N4BP2L1: variants seen among roughly 807,000 people sequenced by gnomAD.
The protein encoded by N4BP2L1 is NEDD4-binding protein 2-like 1.
In N4BP2L1, 12 loss-of-function variants were observed where a neutral mutation model predicts 21.2. The ratio of observed to expected loss-of-function variants is 0.57; its 90% CI spans 0.36 to 0.92. The LOEUF (loss-of-function observed/expected upper bound fraction) is 0.92, where lower values mean the gene tolerates loss of function less well. Among genes scored for constraint, N4BP2L1 ranks in the 40% least tolerant of loss-of-function variants. The pLI is 0.01. For missense variants in N4BP2L1, 259 were observed against 310.6 expected (o/e 0.83, Z 1.25); for synonymous variants, 104 against 112.8 (o/e 0.92, Z 0.49).
chr13:32,408,347 G>T (rs947959933), intron 1 of N4BP2L1, among the ~76,000 whole-genome samples: 2 of 152,164 alleles, frequency 1.3e-5, no homozygotes, highest in Non-Finnish European at 2.9e-5. Flanking sequence ...ATGTTTTAAT[G>T]ATGACCCGAG....
rs571234318 is a variant in N4BP2L1 at position 32,405,381 on chromosome 13, A to T, written c.397-984T>A. Among the ~76,000 whole-genome samples the T allele has an allele frequency of 2.0e-4, 31 of 152,180 alleles. 1 individual carries two copies. The highest frequency in any genetic ancestry group is 1.8e-3 in the Admixed American group (27 of 15,286). On this transcript the variant is annotated intron_variant, in intron 3 of 4. Coordinates refer to ENST00000380130, the MANE Select transcript of N4BP2L1 (RefSeq NM_052818.3). ...AAATACTAGCCAGGCGTGGTGGTAC[A>T]CGCCTGTAATCCCAGCTGCTGGGGT...
At chr13:32,409,198 TA>T in intron 1 of N4BP2L1, among the ~76,000 whole-genome samples, 1 of 152,200 alleles carries the variant, frequency 6.6e-6, no homozygotes, top group East Asian at 1.9e-4. Flanking sequence ...AAAACTAAAG[TA>T]AAATGCTTCC....
intron 1 of N4BP2L1, among the ~76,000 whole-genome samples, chr13:32,423,719 T>C (rs2074612623): frequency 6.6e-6 from 1 of 152,102 alleles, no homozygotes; most frequent in African/African-American, 2.4e-5. Context: ...ACATGAAGCA[T>C]GTAAAGGAGG....
intron 1 of N4BP2L1, among the ~76,000 whole-genome samples, chr13:32,414,273 A>G (rs780544275): frequency 2.0e-5 from 3 of 152,172 alleles, no homozygotes; most frequent in Non-Finnish European, 4.4e-5. Context: ...ACTTATTCCT[A>G]TGGATGTGCC....
chr13:32,427,868 G>T (rs369126860), intron 1 of N4BP2L1, 36 bp downstream of exon 1: 341 of 1,382,154 alleles, frequency 2.5e-4, no homozygotes, highest in Non-Finnish European at 3.2e-4. Context: ...TGGTGGCCCC[G>T]GGCCCGTGCA....
intron 1 of N4BP2L1, among the ~76,000 whole-genome samples, chr13:32,427,668 C>A (rs2074864772): frequency 6.6e-6 from 1 of 152,218 alleles, no homozygotes; most frequent in African/African-American, 2.4e-5. Context: ...CCCTCCTCTC[C>A]GTGCCCGCGC....
intron 1 of N4BP2L1, among the ~76,000 whole-genome samples, chr13:32,421,498 A>G (rs921604621): frequency 1.3e-5 from 2 of 152,186 alleles, no homozygotes; most frequent in Admixed American, 6.5e-5. Context: ...GTAATATAAG[A>G]TCACTTGGTG....
At chr13:32,415,241 T>C (rs997914339) in intron 1 of N4BP2L1, among the ~76,000 whole-genome samples, 25 of 152,264 alleles carry the variant, frequency 1.6e-4, no homozygotes, top group African/African-American at 6.0e-4. Context: ...TGCACCTCCA[T>C]GTTCCACACA....
chr13:32,403,282 G>T, intron 4 of N4BP2L1, 82 bp from the exon 5 acceptor site: 1 of 1,386,700 alleles, frequency 7.2e-7, no homozygotes, highest in Non-Finnish European at 9.8e-7. Flanking sequence ...TAGTATTGCA[G>T]ATATTGCAGT....
intron 1 of N4BP2L1, among the ~76,000 whole-genome samples, chr13:32,416,964 G>A (rs983345222): frequency 1.4e-4 from 21 of 152,012 alleles, no homozygotes; most frequent in South Asian, 4.2e-4. Context: ...TTACAGGCGC[G>A]TGCCACCACC....
At chr13:32,428,371 A>AG (rs1206907083), upstream of N4BP2L1, 1 of 276,928 alleles carries the variant, frequency 3.6e-6, no homozygotes, top group East Asian at 5.9e-5. Flanking sequence ...TGAGCAGTGG[A>AG]GGGGAGGGGC....
Position 32,428,012 on chromosome 13 carries a change from C to CGCTGCCGCTGCTGCT in N4BP2L1, c.56_70dup (p.Gln19_Gln23dup), listed in dbSNP as rs1555300727. 1 of 1,559,426 alleles carries CGCTGCCGCTGCTGCT rather than the reference C, an allele frequency of 6.4e-7. No individual in the cohort carries two copies. Among genetic ancestry groups the CGCTGCCGCTGCTGCT allele is most frequent in the Non-Finnish European group, 8.7e-7 (1 of 1,155,550 alleles). Reference sequence around the variant, plus strand: ...CCCCCGCGGGGGCGGCCGGGGCGGCCGCTGCCGCTGCTGCTGCTGCTGGGG... The same window carrying CGCTGCCGCTGCTGCT: ...CCCCCGCGGGGGCGGCCGGGGCGGCCGCTGCCGCTGCTGCTGCTGCCGCTGCTGCTGCTGCTGGGG... On this transcript the variant is annotated inframe_insertion, in exon 1 of 5. Transcript: ENST00000380130.
intron 1 of N4BP2L1, among the ~76,000 whole-genome samples, chr13:32,412,479 T>C (rs889394078): frequency 2.6e-5 from 4 of 151,812 alleles, no homozygotes; most frequent in African/African-American, 9.7e-5. Context: ...ATAACAAACA[T>C]TAGCCAGACT....
chr13:32,419,923 G>C (rs973601533), intron 1 of N4BP2L1, among the ~76,000 whole-genome samples: 2 of 152,336 alleles, frequency 1.3e-5, no homozygotes, highest in African/African-American at 4.8e-5. Flanking sequence ...AGCAGCCTGA[G>C]AGCAGGGAGG....
intron 3 of N4BP2L1, 186 bp downstream of exon 3, chr13:32,407,064 C>T: frequency 1.6e-6 from 1 of 609,124 alleles, no homozygotes; most frequent in East Asian, 2.8e-5. Context: ...AGATTAGCAT[C>T]TCAGCAAACT....
chr13:32,417,240 C>A (rs1219263610), intron 1 of N4BP2L1, among the ~76,000 whole-genome samples: 1 of 152,170 alleles, frequency 6.6e-6, no homozygotes, highest in African/African-American at 2.4e-5. Flanking sequence ...TGTCCCCACT[C>A]AAATCTCATC....
intron 1 of N4BP2L1, among the ~76,000 whole-genome samples, chr13:32,424,445 C>A (rs1420045714): frequency 6.6e-6 from 1 of 152,240 alleles, no homozygotes; most frequent in Non-Finnish European, 1.5e-5. Context: ...CCCCACTGGC[C>A]CTTACCCACA....
intron 1 of N4BP2L1, among the ~76,000 whole-genome samples, 166 bp downstream of exon 1, chr13:32,427,738 G>T (rs1441009248): frequency 6.6e-6 from 1 of 151,692 alleles, no homozygotes; most frequent in Non-Finnish European, 1.5e-5. Context: ...CGGGCTCCCC[G>T]CGCTGCCAGG....
chr13:32,402,568 A>G lies in N4BP2L1; in HGVS notation c.*374T>C. 1 of 993,096 alleles carries G rather than the reference A, an allele frequency of 1.0e-6. No individual in the cohort carries two copies. The highest frequency in any genetic ancestry group is 4.7e-5 in the South Asian group (1 of 21,404). 61.5% of individuals were successfully genotyped at this position (993,096 alleles called of 1,614,324 possible). A position where few individuals can be genotyped will look rare whatever the true frequency, so the allele number is the denominator to read the frequency against. ...TTCCCAACTTTACCGATGGAGATGA[A>G]TTTCCTGAAAAAATAAATAGATCAC... On this transcript the variant is annotated 3_prime_UTR_variant, in exon 5 of 5. Coordinates refer to ENST00000380130, the MANE Select transcript of N4BP2L1 (RefSeq NM_052818.3).
Sources: allele counts gnomAD v4.1 joint callset (sites outside exome capture counted in the v4.1 genomes callset), GRCh38; gene constraint gnomAD v4.1.1; transcripts MANE v1.5; gene names NCBI Gene and HGNC (gene_info 2026-07-23, HGNC 2026-07-21).